The following UBR1 variants were observed in gnomAD, a reference collection of about 807,000 sequenced individuals.
The protein encoded by UBR1 is ubiquitin protein ligase E3 component n-recognin 1, also known as E3 ubiquitin-protein ligase UBR1.
Under a neutral mutation model 242.1 loss-of-function variants are expected in UBR1, and 102 were observed. That is an observed-to-expected ratio of 0.42 (90% CI 0.36 to 0.50). UBR1 has a LOEUF of 0.50. UBR1 is among the 20% of genes least tolerant of loss of function. The pLI, the probability that UBR1 is intolerant of heterozygous loss-of-function variation, is 0.01. For synonymous variants in UBR1, 675 were observed against 684.8 expected (o/e 0.99, Z 0.22); for missense variants, 1,772 against 2,101.8 (o/e 0.84, Z 3.07).
At chr15:42,981,245 A>T (rs185738711) in intron 37 of UBR1, among the ~76,000 whole-genome samples, 89 of 150,330 alleles carry the variant, frequency 5.9e-4, no homozygotes, top group Middle Eastern at 6.9e-3. Context: ...TAATTTTATT[A>T]AAAAAAACCT....
chr15:42,969,236 T>G (rs2032162609), intron 40 of UBR1, among the ~76,000 whole-genome samples: 1 of 152,232 alleles, frequency 6.6e-6, no homozygotes, highest in South Asian at 2.1e-4. Flanking sequence ...GGTATCCCAT[T>G]GTGCTTTTGA....
intron 10 of UBR1, 51 bp from the exon 11 acceptor site, chr15:43,056,493 A>T (rs781403797): frequency 8.0e-6 from 10 of 1,245,960 alleles, no homozygotes; most frequent in South Asian, 3.8e-5. Context: ...AAAGACCTTT[A>T]AAAAATCCCA....
intron 37 of UBR1, among the ~76,000 whole-genome samples, chr15:42,978,920 G>T (rs2032332721): frequency 7.3e-6 from 1 of 137,624 alleles, no homozygotes; most frequent in African/African-American, 2.7e-5. Flanking sequence ...TTTCGAGATG[G>T]AGTCTCGCTT....
intron 33 of UBR1, among the ~76,000 whole-genome samples, chr15:42,995,684 C>CA (rs936156583): frequency 9.4e-5 from 14 of 149,418 alleles, no homozygotes; most frequent in South Asian, 2.1e-4. Context: ...AACAAACAAA[C>CA]AAAAAAAAAC....
chr15:43,071,367 A>G (rs1422605197), intron 4 of UBR1, among the ~76,000 whole-genome samples: 1 of 152,246 alleles, frequency 6.6e-6, no homozygotes, highest in Admixed American at 6.5e-5. Context: ...ACAGAGGGAC[A>G]AATACTATAT....
At chr15:43,043,918 T>C (rs2033451208) in intron 14 of UBR1, among the ~76,000 whole-genome samples, 1 of 151,978 alleles carries the variant, frequency 6.6e-6, no homozygotes, top group Non-Finnish European at 1.5e-5. Context: ...ACAGACTAAT[T>C]GCTCTAAGAG....
rs781103223 is a variant in UBR1, at chr15:42,944,538, A to G, written c.*791T>C. ...AATTACAAGAGGTTTCTGAGAGTCA[A>G]ACAGGATGGTGCCACAATCTCCTTG... On this transcript the variant is annotated 3_prime_UTR_variant, in exon 47 of 47. Coordinates refer to ENST00000290650, the MANE Select transcript of UBR1 (RefSeq NM_174916.3). The G allele has an allele frequency of 1.3e-5, 2 of 152,216 alleles. No individual in the cohort carries two copies. Among genetic ancestry groups the G allele is most frequent in the Admixed American group, 6.5e-5 (1 of 15,280 alleles). The allele number at this position is 152,216 out of a possible 1,614,324, so 9.4% of individuals were successfully genotyped here. A position where few individuals can be genotyped will look rare whatever the true frequency, so the allele number is the denominator to read the frequency against.
intron 1 of UBR1, among the ~76,000 whole-genome samples, chr15:43,095,560 G>T (rs930686147): frequency 1.4e-5 from 2 of 146,086 alleles, no homozygotes; most frequent in African/African-American, 5.1e-5. Context: ...AAAAAAAAAG[G>T]CTGCATCAAA....
rs1398903720 is a variant in UBR1 at position 42,956,839 on chromosome 15, C to G, written c.4835+1174G>C. Among the ~76,000 whole-genome samples the G allele has an allele frequency of 2.6e-5, 4 of 152,082 alleles. 1 individual carries two copies. Among genetic ancestry groups the G allele is most frequent in the Non-Finnish European group, 4.4e-5 (3 of 68,030 alleles). On this transcript the variant is annotated intron_variant, in intron 44 of 46. Coordinates refer to ENST00000290650, the MANE Select transcript of UBR1 (RefSeq NM_174916.3). The stretch of plus-strand genomic sequence containing the variant: ...TAGAGACGTCTTCCAAAAATTGAGG[C>G]TGTATGTTTAGATCTCTCTGGTGGT...
Position 42,945,164 on chromosome 15 carries a change from T to G in UBR1, c.*165A>C. 1 of 882,714 alleles carries G rather than the reference T, an allele frequency of 1.1e-6. No homozygotes were observed. Among genetic ancestry groups the G allele is most frequent in the Middle Eastern group, 3.4e-4 (1 of 2,940 alleles). The allele number at this position is 882,714 out of a possible 1,614,324, so 54.7% of individuals were successfully genotyped here. A position where few individuals can be genotyped will look rare whatever the true frequency, so the allele number is the denominator to read the frequency against. ...TTCCTGTGAAGCATATGTTTGCTAATTGAAAGCAATACTCCATTAAGAAAT... is the reference window on the plus strand; with the variant it reads ...TTCCTGTGAAGCATATGTTTGCTAAGTGAAAGCAATACTCCATTAAGAAAT... On this transcript the variant is annotated 3_prime_UTR_variant, in exon 47 of 47. Transcript: ENST00000290650.
intron 13 of UBR1, among the ~76,000 whole-genome samples, chr15:43,048,104 T>A (rs1164874669): frequency 6.6e-6 from 1 of 151,894 alleles, no homozygotes; most frequent in Non-Finnish European, 1.5e-5. Flanking sequence ...GGAGAATCGC[T>A]TGAACCTGGG....
At chr15:43,005,418 G>A (rs978825442) in intron 30 of UBR1, among the ~76,000 whole-genome samples, 1 of 150,732 alleles carries the variant, frequency 6.6e-6, no homozygotes, top group East Asian at 2.0e-4. Context: ...GTCTTGGAGG[G>A]AGGTGGGGGG....
In UBR1 at chr15:43,048,492, C is replaced by T. The variant is rs1596118528; in HGVS notation, c.1440-1G>A. ...TGTGGGTTTGCTGATCAGGATATAC[C>T]TATCGTTTCAAGAAAGAAAGAAATA... is the stretch of plus-strand genomic sequence containing the variant. On this transcript the variant is annotated splice_acceptor_variant, in intron 12 of 46. Coordinates refer to ENST00000290650, the MANE Select transcript of UBR1 (RefSeq NM_174916.3). LOFTEE classifies it high-confidence loss of function. 1 of 1,606,518 alleles carries T rather than the reference C, an allele frequency of 6.2e-7. No individual in the cohort carries two copies. The highest frequency in any genetic ancestry group is 1.7e-4 in the Middle Eastern group (1 of 5,952).
Position 43,068,051 on chromosome 15 carries a change from A to AC in UBR1, c.660-16dup. 6.3e-7 allele frequency: 1 copy of AC among 1,592,428 alleles called. No individual in the cohort carries two copies. Among genetic ancestry groups the AC allele is most frequent in the Non-Finnish European group, 8.6e-7 (1 of 1,163,198 alleles). On this transcript the variant is annotated splice_polypyrimidine_tract_variant and intron_variant, in intron 5 of 46. Transcript: ENST00000290650. ...CATTTTTCTCCCTGTTAGAAAAAAA[A>AC]CATATATATTTGGATACTACAACAA...
At chr15:42,985,650 A>G (rs2032446669) in intron 35 of UBR1, among the ~76,000 whole-genome samples, 1 of 151,940 alleles carries the variant, frequency 6.6e-6, no homozygotes, top group Non-Finnish European at 1.5e-5. Context: ...ACTGCGCCCG[A>G]CCTCGGGTAC....
intron 31 of UBR1, chr15:43,003,495 A>T: frequency 2.9e-6 from 1 of 347,200 alleles, no homozygotes; most frequent in South Asian, 2.3e-5. Flanking sequence ...ACCTCAGGTG[A>T]TCCTCCTGCC....
Position 43,027,841 on chromosome 15 carries a change from T to G in UBR1, c.2380-13A>C. On this transcript the variant is annotated splice_polypyrimidine_tract_variant and intron_variant, in intron 21 of 46. Transcript: ENST00000290650. ...TTTCATTATTTTCCTGTTGAAACAA[T>G]ATTTTTGTCATTTTTACCTTCATAT... 1 of 1,611,016 alleles carries G rather than the reference T, an allele frequency of 6.2e-7. No homozygotes were observed. Among genetic ancestry groups the G allele is most frequent in the Non-Finnish European group, 8.5e-7 (1 of 1,178,458 alleles).
chr15:43,078,787 A>C (rs906137931), intron 3 of UBR1, among the ~76,000 whole-genome samples: 4 of 152,110 alleles, frequency 2.6e-5, no homozygotes, highest in African/African-American at 4.8e-5. Flanking sequence ...TGAGCAATAC[A>C]GCAAGATCCC....
intron 29 of UBR1, among the ~76,000 whole-genome samples, chr15:43,010,939 G>A (rs912412559): frequency 5.9e-5 from 9 of 151,622 alleles, no homozygotes; most frequent in South Asian, 2.1e-4. Context: ...GCAGTGAGCC[G>A]AGATCACGCC....
Sources: gnomAD v4.1 joint callset for allele counts (sites outside exome capture counted in the v4.1 genomes callset) on GRCh38, gnomAD v4.1.1 for gene constraint, MANE v1.5 for transcripts, NCBI Gene and HGNC (gene_info 2026-07-23, HGNC 2026-07-21) for gene names.